Variants in MTMR9 observed in about 807,000 individuals in gnomAD.
The protein encoded by MTMR9 is myotubularin-related protein 9.
MTMR9 carries 39 observed loss-of-function variants against 69.5 expected under a neutral mutation model. That is an observed-to-expected ratio of 0.56 (90% CI 0.43 to 0.73). The LOEUF (loss-of-function observed/expected upper bound fraction) is 0.73, where lower values mean the gene tolerates loss of function less well. Ranked by LOEUF, MTMR9 falls within the 30% of genes least tolerant of loss-of-function variation. The pLI, the probability that MTMR9 is intolerant of heterozygous loss-of-function variation, is 0.00. For missense variants in MTMR9, 900 were observed against 671.2 expected (o/e 1.34, Z -3.77); for synonymous variants, 354 against 240.8 (o/e 1.47, Z -4.35).
chr8:11,330,212 C>T (rs113674202), downstream of MTMR9, among the ~76,000 whole-genome samples: 4 of 150,086 alleles, frequency 2.7e-5, no homozygotes, highest in Admixed American at 6.6e-5. Context: ...GGGTCAGCCG[C>T]GGCCTGGCCA....
chr8:11,325,140 A>T lies in MTMR9; in HGVS notation c.*2352A>T, dbSNP rs898716336. 6.6e-6 allele frequency: 1 copy of T among 152,240 alleles called. No individual in the cohort carries two copies. The highest frequency in any genetic ancestry group is 1.5e-5 in the Non-Finnish European group (1 of 68,042). 9.4% of individuals were successfully genotyped at this position (152,240 alleles called of 1,614,324 possible). Reference sequence around the variant, plus strand: ...TAATTTATAATTAGGGATTGTTCAAACTTCAGATCTGTTTACAGGTTGTAA... The same window carrying T: ...TAATTTATAATTAGGGATTGTTCAATCTTCAGATCTGTTTACAGGTTGTAA... On this transcript the variant is annotated 3_prime_UTR_variant, in exon 10 of 10. Transcript: ENST00000221086.
At chr8:11,287,769 T>C (rs1799218364) in intron 1 of MTMR9, among the ~76,000 whole-genome samples, 1 of 132,630 alleles carries the variant, frequency 7.5e-6, no homozygotes, top group South Asian at 2.2e-4. Context: ...ATTTATTTAT[T>C]ATATATTTAT....
In MTMR9 at chr8:11,324,604, C is replaced by T. The variant is rs1460025006; in HGVS notation, c.*1816C>T. 1 of 149,770 alleles carries T rather than the reference C, an allele frequency of 6.7e-6. No homozygotes were observed. The highest frequency in any genetic ancestry group is 1.5e-5 in the Non-Finnish European group (1 of 67,568). 9.3% of individuals were successfully genotyped at this position (149,770 alleles called of 1,614,324 possible). ...TTAATACAGCTGAGCTTTTTGTTTT[C>T]TTCTCTTTTTGTCTCAAGATTGTAT... On this transcript the variant is annotated 3_prime_UTR_variant, in exon 10 of 10. Transcript: ENST00000221086.
chr8:11,330,822 T>C, downstream of MTMR9: 1 of 499,640 alleles, frequency 2.0e-6, no homozygotes. Flanking sequence ...CAGAGACCTT[T>C]GTTCACTTGT....
At chr8:11,330,281 C>T (rs1174418799), downstream of MTMR9, among the ~76,000 whole-genome samples, 23 of 151,328 alleles carry the variant, frequency 1.5e-4, no homozygotes, top group East Asian at 4.0e-4. Flanking sequence ...CCGCCCTGTC[C>T]GGGAGGGAGG....
At chr8:11,302,623 TA>T (rs1563273110) in intron 3 of MTMR9, among the ~76,000 whole-genome samples, 2 of 151,956 alleles carry the variant, frequency 1.3e-5, no homozygotes, top group African/African-American at 4.8e-5. Context: ...ACCAAAAACA[TA>T]AAAAAAGCAA....
downstream of MTMR9, among the ~76,000 whole-genome samples, chr8:11,330,050 G>C (rs557305630): frequency 2.0e-5 from 3 of 151,350 alleles, no homozygotes; most frequent in South Asian, 6.3e-4. Context: ...CAGCCGCCCC[G>C]TCTGGGAAGT....
In MTMR9 at chr8:11,327,428, G is replaced by A. The variant is rs3174048; in HGVS notation, c.*4640G>A. ...TATTTGTGATTTGTAATAAAACTGA[G>A]TTGTACAACACTGCCTGTGTTTGTC... On this transcript the variant is annotated 3_prime_UTR_variant, in exon 10 of 10. Coordinates refer to ENST00000221086, the MANE Select transcript of MTMR9 (RefSeq NM_015458.4). 0.4 allele frequency: 61,448 copies of A among 152,082 alleles called. 13,985 individuals are homozygous for A. The highest frequency in any genetic ancestry group is 0.73 in the East Asian group (3,782 of 5,176). The allele number at this position is 152,082 out of a possible 1,614,324, so 9.4% of individuals were successfully genotyped here. A position where few individuals can be genotyped will look rare whatever the true frequency, so the allele number is the denominator to read the frequency against.
At chr8:11,295,419 C>A (rs192280375) in intron 2 of MTMR9, 117 bp downstream of exon 2, 9 of 695,288 alleles carry the variant, frequency 1.3e-5, no homozygotes, top group Non-Finnish European at 2.3e-5. Context: ...ATACTGAAGA[C>A]TGATAGGAAA....
At chr8:11,307,611 A>C (rs1799988927) in intron 5 of MTMR9, among the ~76,000 whole-genome samples, 1 of 152,204 alleles carries the variant, frequency 6.6e-6, no homozygotes, top group African/African-American at 2.4e-5. Context: ...TAATGTTTTG[A>C]GGAGCCTCCA....
At chr8:11,331,294 A>G (rs766199526), downstream of MTMR9, 96 of 1,613,910 alleles carry the variant, frequency 5.9e-5, no homozygotes, top group Middle Eastern at 3.3e-4. Context: ...ATGGCTTACC[A>G]GGGTTCCAAC....
At chr8:11,302,019 G>A (rs1424917678) in intron 3 of MTMR9, among the ~76,000 whole-genome samples, 1 of 152,068 alleles carries the variant, frequency 6.6e-6, no homozygotes, top group Non-Finnish European at 1.5e-5. Flanking sequence ...CACTTAAGGA[G>A]GCTGAGGCAG....
rs182190514 is a variant in MTMR9 at position 11,316,408 on chromosome 8, G to C, written c.1114-265G>C. The C allele has an allele frequency of 1.7e-3, 503 of 301,734 alleles. 1 individual carries two copies. Among genetic ancestry groups the C allele is most frequent in the African/African-American group, 0.01 (486 of 46,342 alleles). 18.7% of individuals were successfully genotyped at this position (301,734 alleles called of 1,614,324 possible). On this transcript the variant is annotated intron_variant, in intron 7 of 9. Transcript: ENST00000221086. ...TTGCTTAAGTTCATTATTCTTCCAT[G>C]GGATATTCCAAGGGCAGTGCAGTTC...
At chr8:11,333,622 A>G in the MTMR9 span, among the ~76,000 whole-genome samples, 1 of 152,248 alleles carries the variant, frequency 6.6e-6, no homozygotes, top group African/African-American at 2.4e-5. Flanking sequence ...TATTATTATA[A>G]CTTTAGTTTA....
downstream of MTMR9, among the ~76,000 whole-genome samples, chr8:11,328,517 T>C (rs1047814548): frequency 2.6e-5 from 4 of 152,164 alleles, no homozygotes; most frequent in Non-Finnish European, 5.9e-5. Flanking sequence ...TATAAACACA[T>C]GACTCATTGA....
chr8:11,306,401 T>C lies in MTMR9; in HGVS notation c.803T>C (p.Ile268Thr). The C allele has an allele frequency of 3.7e-6, 6 of 1,613,676 alleles. No individual in the cohort carries two copies. The highest frequency in any genetic ancestry group is 4.2e-6 in the Non-Finnish European group (5 of 1,179,670). ...YPQWRRIHKS[I>T]ERYHILQESL... is the part of the protein sequence containing the mutation. Reference sequence around the variant, plus strand: ...CAGTGGAGGCGAATTCATAAGTCCATTGAGAGGTAAAAGATTCCAAAGATA... The same window carrying C: ...CAGTGGAGGCGAATTCATAAGTCCACTGAGAGGTAAAAGATTCCAAAGATA... Residue 268 changes from isoleucine (I) to threonine (T), a missense_variant, in exon 5 of 10, where the codon ATT becomes ACT. By Grantham distance (89) the Ile-to-Thr change is moderately conservative. Transcript: ENST00000221086.
At chr8:11,288,250 A>G (rs1799255804) in intron 1 of MTMR9, among the ~76,000 whole-genome samples, 1 of 136,642 alleles carries the variant, frequency 7.3e-6, no homozygotes, top group Non-Finnish European at 1.5e-5. Flanking sequence ...TAATAATTAT[A>G]TTATAATAAT....
At chr8:11,331,835 C>CGCAGACG (rs1801245324), downstream of MTMR9, 1 of 1,611,668 alleles carries the variant, frequency 6.2e-7, no homozygotes, top group African/African-American at 1.3e-5. Context: ...TGCTGCAGAC[C>CGCAGACG]CCCGTGTTGC....
chr8:11,307,324 G>A (rs1173443060), intron 5 of MTMR9, among the ~76,000 whole-genome samples: 5 of 152,100 alleles, frequency 3.3e-5, no homozygotes, highest in African/African-American at 7.2e-5. Flanking sequence ...CTCCTGCCTC[G>A]GCCCCTCAAA....
Sources: gnomAD v4.1 joint callset for allele counts (sites outside exome capture counted in the v4.1 genomes callset) on GRCh38, gnomAD v4.1.1 for gene constraint, MANE v1.5 for transcripts, NCBI Gene and HGNC (gene_info 2026-07-23, HGNC 2026-07-21) for gene names.